Variants in ZBTB20 observed in about 807,000 individuals in gnomAD.
The protein encoded by ZBTB20 is zinc finger and BTB domain containing 20.
Under a neutral mutation model 56.9 loss-of-function variants are expected in ZBTB20, and 9 were observed. That is an observed-to-expected ratio of 0.16 (90% CI 0.10 to 0.28). ZBTB20 has a LOEUF of 0.28. Ranked by LOEUF, ZBTB20 falls within the 10% of genes least tolerant of loss-of-function variation. The pLI is 1.00. For synonymous variants in ZBTB20, 417 were observed against 420.7 expected (o/e 0.99, Z 0.11); for missense variants, 655 against 1,003.0 (o/e 0.65, Z 4.69).
chr3:115,068,443 C>T (rs913127912), intron 2 of ZBTB20, among the ~76,000 whole-genome samples: 6 of 151,952 alleles, frequency 3.9e-5, no homozygotes, highest in African/African-American at 1.4e-4. Flanking sequence ...GAATACACAT[C>T]TGAGGGCAAA....
intron 6 of ZBTB20, among the ~76,000 whole-genome samples, chr3:114,548,083 T>A (rs866134859): frequency 6.6e-6 from 1 of 152,350 alleles, no homozygotes; most frequent in Middle Eastern, 3.4e-3. Flanking sequence ...TGCACCCAGA[T>A]CAGTCCTGAT....
chr3:114,607,247 C>A (rs2057235522), intron 6 of ZBTB20, among the ~76,000 whole-genome samples: 1 of 151,534 alleles, frequency 6.6e-6, no homozygotes, highest in African/African-American at 2.4e-5. Context: ...AGGTTATAAT[C>A]ATTTCTATGG....
At chr3:114,515,832 T>G (rs2045924074) in intron 6 of ZBTB20, among the ~76,000 whole-genome samples, 1 of 152,184 alleles carries the variant, frequency 6.6e-6, no homozygotes, top group African/African-American at 2.4e-5. Context: ...ATGCTTTAGC[T>G]GTCTTCATTT....
chr3:114,939,401 A>G lies in ZBTB20; in HGVS notation c.-456+34965T>C, dbSNP rs2076656176. Among the ~76,000 whole-genome samples the G allele has an allele frequency of 1.4e-5, 2 of 146,508 alleles. 1 individual carries two copies. Among genetic ancestry groups the G allele is most frequent in the African/African-American group, 5.5e-5 (2 of 36,098 alleles). The stretch of plus-strand genomic sequence containing the variant: ...CAATGGAAAACTTATATTTTAAGTA[A>G]AATTGAAAATAGAGATAAAATATGG... On this transcript the variant is annotated intron_variant, in intron 3 of 11. Coordinates refer to ENST00000675478, the MANE Select transcript of ZBTB20 (RefSeq NM_001348800.3).
At chr3:114,588,059 G>A (rs1053550427) in intron 6 of ZBTB20, among the ~76,000 whole-genome samples, 2 of 152,090 alleles carry the variant, frequency 1.3e-5, no homozygotes, top group Non-Finnish European at 2.9e-5. Flanking sequence ...CTCTCTTCAT[G>A]TGTATAGCCT....
At chr3:115,051,430 G>A (rs897672000) in intron 2 of ZBTB20, among the ~76,000 whole-genome samples, 3 of 152,116 alleles carry the variant, frequency 2.0e-5, no homozygotes, top group Admixed American at 1.3e-4. Context: ...TATGATAGAT[G>A]GGTAGGAGTT....
chr3:114,459,162 C>A (rs996983088), intron 7 of ZBTB20, among the ~76,000 whole-genome samples: 6 of 152,162 alleles, frequency 3.9e-5, no homozygotes, highest in African/African-American at 1.4e-4. Flanking sequence ...CATAATTCAA[C>A]GTATCTCATA....
intron 5 of ZBTB20, among the ~76,000 whole-genome samples, chr3:114,700,599 T>C (rs2063333461): frequency 6.6e-6 from 1 of 152,282 alleles, no homozygotes. Flanking sequence ...CCATTCTACA[T>C]TATTGATATT....
At chr3:114,717,078 C>T (rs2064534327) in intron 5 of ZBTB20, among the ~76,000 whole-genome samples, 1 of 152,082 alleles carries the variant, frequency 6.6e-6, no homozygotes, top group Admixed American at 6.6e-5. Flanking sequence ...CCTCTGCTGC[C>T]TGCACACTGT....
intron 2 of ZBTB20, among the ~76,000 whole-genome samples, chr3:115,050,046 T>G (rs2081484876): frequency 6.6e-6 from 1 of 152,070 alleles, no homozygotes; most frequent in East Asian, 1.9e-4. Context: ...GGAACAAGTG[T>G]TGAAAAAAAT....
intron 2 of ZBTB20, among the ~76,000 whole-genome samples, chr3:114,978,171 A>T (rs902675871): frequency 6.6e-6 from 1 of 151,018 alleles, no homozygotes; most frequent in Non-Finnish European, 1.5e-5. Context: ...AAAATGAGCA[A>T]AATACATGAA....
chr3:114,455,083 G>A (rs1384953318), intron 7 of ZBTB20, among the ~76,000 whole-genome samples: 1 of 150,774 alleles, frequency 6.6e-6, no homozygotes, highest in East Asian at 2.0e-4. Context: ...GAGAGGGAGA[G>A]AGAGGAGAGA....
chr3:114,662,176 T>A (rs1375586245), intron 6 of ZBTB20, among the ~76,000 whole-genome samples: 1 of 151,700 alleles, frequency 6.6e-6, no homozygotes, highest in East Asian at 1.9e-4. Context: ...GTTCTTGCGA[T>A]AGTTTACTGA....
intron 6 of ZBTB20, among the ~76,000 whole-genome samples, chr3:114,543,269 T>C (rs1045481660): frequency 7.0e-6 from 1 of 143,472 alleles, no homozygotes; most frequent in African/African-American, 2.9e-5. Context: ...TTTTTTATTG[T>C]TTTTTTTCCA....
chr3:114,701,800 A>G (rs2063402430), intron 5 of ZBTB20, among the ~76,000 whole-genome samples: 1 of 152,202 alleles, frequency 6.6e-6, no homozygotes, highest in Admixed American at 6.5e-5. Flanking sequence ...TCATGCTCCA[A>G]GTAGGAGGTA....
intron 1 of ZBTB20, among the ~76,000 whole-genome samples, chr3:115,133,213 T>G (rs1361981556): frequency 6.6e-6 from 1 of 152,192 alleles, no homozygotes; most frequent in Non-Finnish European, 1.5e-5. Context: ...CTTAGGTCAA[T>G]TTTTATCATT....
At chr3:114,526,484 C>T (rs1434536040) in intron 6 of ZBTB20, among the ~76,000 whole-genome samples, 1 of 151,996 alleles carries the variant, frequency 6.6e-6, no homozygotes, top group Non-Finnish European at 1.5e-5. Context: ...CACAAACTGG[C>T]CTTTGCTCTG....
rs1254148772 is a variant in ZBTB20 at position 114,328,836 on chromosome 3, T to C, written c.*10169A>G. 6.6e-6 allele frequency: 1 copy of C among 151,900 alleles called. No homozygotes were observed. The highest frequency in any genetic ancestry group is 1.5e-5 in the Non-Finnish European group (1 of 67,980). 9.4% of individuals were successfully genotyped at this position (151,900 alleles called of 1,614,324 possible). Reference sequence around the variant, plus strand: ...TTTTGGGGGCAGTAATGAAGACAAATAGGTAATTTGAAGTAGTCTTCAAGA... The same window carrying C: ...TTTTGGGGGCAGTAATGAAGACAAACAGGTAATTTGAAGTAGTCTTCAAGA... On this transcript the variant is annotated 3_prime_UTR_variant, in exon 12 of 12. Transcript: ENST00000675478.
intron 7 of ZBTB20, among the ~76,000 whole-genome samples, chr3:114,495,950 C>T (rs568962926): frequency 6.6e-6 from 1 of 152,108 alleles, no homozygotes. Context: ...AAGCTATGCA[C>T]CTTTAATGTA....
Sources: gnomAD v4.1 joint callset for allele counts (sites outside exome capture counted in the v4.1 genomes callset) on GRCh38, gnomAD v4.1.1 for gene constraint, MANE v1.5 for transcripts, NCBI Gene and HGNC (gene_info 2026-07-23, HGNC 2026-07-21) for gene names.